The following RANBP2 variants were observed in gnomAD, a reference collection of about 807,000 sequenced individuals.
The protein encoded by RANBP2 is RAN binding protein 2.
In RANBP2, 57 loss-of-function variants were observed where a neutral mutation model predicts 303.6. That is an observed-to-expected ratio of 0.19 (90% CI 0.15 to 0.23). RANBP2 has a LOEUF of 0.23. RANBP2 is among the 10% of genes least tolerant of loss of function. The probability of loss-of-function intolerance (pLI) is 1.00; values close to 1 mark genes in which losing one functional copy is unlikely to be tolerated. For synonymous variants in RANBP2, 1,167 were observed against 1,301.5 expected (o/e 0.90, Z 2.23); for missense variants, 3,138 against 3,780.8 (o/e 0.83, Z 4.46).
At chr2:109,169,470 G>A in the RANBP2 span, among the ~76,000 whole-genome samples, 1 of 152,064 alleles carries the variant, frequency 6.6e-6, no homozygotes, top group Non-Finnish European at 1.5e-5. Flanking sequence ...AATTGTCGGG[G>A]AGGAAGCTGG....
chr2:108,893,905 A>T, the RANBP2 span, among the ~76,000 whole-genome samples: 1 of 152,200 alleles, frequency 6.6e-6, no homozygotes, highest in Non-Finnish European at 1.5e-5. Flanking sequence ...AAACACGCAT[A>T]GTTTACTATG....
the RANBP2 span, among the ~76,000 whole-genome samples, chr2:108,855,244 CA>C: frequency 6.6e-6 from 1 of 151,932 alleles, no homozygotes; most frequent in Non-Finnish European, 1.5e-5. Context: ...AAAAAGAAAC[CA>C]AATACAGTTT....
chr2:109,395,997 T>C, the RANBP2 span, among the ~76,000 whole-genome samples: 34 of 152,366 alleles, frequency 2.2e-4, no homozygotes, highest in African/African-American at 7.5e-4. Flanking sequence ...GCATTATTGC[T>C]GCCATGATTG....
At chr2:109,466,946 T>C in the RANBP2 span, among the ~76,000 whole-genome samples, 1 of 140,322 alleles carries the variant, frequency 7.1e-6, no homozygotes, top group Non-Finnish European at 1.5e-5. Context: ...TGTGTGTGTC[T>C]ATATATCTGT....
chr2:108,996,178 C>T, the RANBP2 span, among the ~76,000 whole-genome samples: 1 of 152,176 alleles, frequency 6.6e-6, no homozygotes, highest in Non-Finnish European at 1.5e-5. Flanking sequence ...AGTGAGAGTT[C>T]CCTGCTGCCT....
At chr2:109,178,674 A>G in the RANBP2 span, among the ~76,000 whole-genome samples, 1 of 152,234 alleles carries the variant, frequency 6.6e-6, no homozygotes, top group Non-Finnish European at 1.5e-5. Flanking sequence ...CTGTCCTCCC[A>G]GGAATTCACT....
chr2:109,210,029 A>G, the RANBP2 span, among the ~76,000 whole-genome samples: 8 of 152,264 alleles, frequency 5.3e-5, no homozygotes, highest in East Asian at 1.9e-4. Context: ...GTGAATGACT[A>G]TTCTAGGGAC....
At chr2:109,568,800 C>A in the RANBP2 span, among the ~76,000 whole-genome samples, 1 of 152,234 alleles carries the variant, frequency 6.6e-6, no homozygotes, top group Non-Finnish European at 1.5e-5. Flanking sequence ...TGACTCCATG[C>A]CTACCTGTGC....
At chr2:109,146,783 C>T in the RANBP2 span, among the ~76,000 whole-genome samples, 5 of 64,314 alleles carry the variant, frequency 7.8e-5, no homozygotes, top group African/African-American at 3.0e-4. Flanking sequence ...TCTCTCCTTT[C>T]TTTAGTGCCC....
chr2:109,561,220 TTC>T, the RANBP2 span, among the ~76,000 whole-genome samples: 2 of 152,096 alleles, frequency 1.3e-5, no homozygotes, highest in South Asian at 4.2e-4. Context: ...ACAGATGCCA[TTC>T]TCTCTCCATC....
At chr2:109,454,377 A>G in the RANBP2 span, among the ~76,000 whole-genome samples, 1 of 152,146 alleles carries the variant, frequency 6.6e-6, no homozygotes, top group Non-Finnish European at 1.5e-5. Context: ...GGCCATTTTT[A>G]GTCCTGTCTG....
chr2:109,335,081 G>GT, the RANBP2 span, among the ~76,000 whole-genome samples: 2 of 152,202 alleles, frequency 1.3e-5, no homozygotes, highest in African/African-American at 4.8e-5. Context: ...GGATCATGGT[G>GT]GTCATACCAC....
the RANBP2 span, among the ~76,000 whole-genome samples, chr2:109,678,976 C>T: frequency 6.6e-6 from 1 of 152,224 alleles, no homozygotes; most frequent in Non-Finnish European, 1.5e-5. Context: ...GGCTGGGAAG[C>T]CGGCAGTAGC....
At chr2:109,149,543 T>C in the RANBP2 span, among the ~76,000 whole-genome samples, 1 of 152,194 alleles carries the variant, frequency 6.6e-6, no homozygotes, top group Non-Finnish European at 1.5e-5. Flanking sequence ...ATTCGCTTGT[T>C]TGACAGAGCA....
chr2:109,085,748 C>A, the RANBP2 span, among the ~76,000 whole-genome samples: 1 of 151,916 alleles, frequency 6.6e-6, no homozygotes, highest in African/African-American at 2.4e-5. Context: ...TTACAGGCAC[C>A]TGCCACCACG....
chr2:109,175,534 G>A, the RANBP2 span, among the ~76,000 whole-genome samples: 1 of 152,330 alleles, frequency 6.6e-6, no homozygotes, highest in Non-Finnish European at 1.5e-5. Flanking sequence ...TGAGCTCATG[G>A]CTCCCCTGAA....
the RANBP2 span, among the ~76,000 whole-genome samples, chr2:109,448,386 G>A: frequency 5.9e-5 from 9 of 152,172 alleles, no homozygotes; most frequent in African/African-American, 1.9e-4. Context: ...TTAGGAACTG[G>A]GCTGCACAGC....
chr2:109,129,594 G>A, the RANBP2 span: 1 of 1,483,376 alleles, frequency 6.7e-7, no homozygotes, highest in Non-Finnish European at 8.9e-7. Context: ...CCGCTGCTGC[G>A]CAGAGCGAGG....
chr2:108,930,160 T>C, the RANBP2 span: 1 of 1,614,052 alleles, frequency 6.2e-7, no homozygotes, highest in Non-Finnish European at 8.5e-7. Flanking sequence ...GGGGCACTCC[T>C]GGCACAGCCC....
Sources: gnomAD v4.1 joint callset for allele counts (sites outside exome capture counted in the v4.1 genomes callset) on GRCh38, gnomAD v4.1.1 for gene constraint, MANE v1.5 for transcripts, NCBI Gene and HGNC (gene_info 2026-07-23, HGNC 2026-07-21) for gene names.